The following ADCY10 variants were observed in gnomAD, a reference collection of about 807,000 sequenced individuals.
ADCY10 encodes adenylate cyclase 10.
ADCY10 carries 156 observed loss-of-function variants against 183.3 expected under a neutral mutation model. That is an observed-to-expected ratio of 0.85 (90% CI 0.75 to 0.97). The LOEUF is 0.97. Among genes scored for constraint, ADCY10 ranks in the 50% least tolerant of loss-of-function variants. ADCY10 has a pLI of 0.00. For missense variants in ADCY10, 1,745 were observed against 1,934.3 expected (o/e 0.90, Z 1.84); for synonymous variants, 645 against 670.0 (o/e 0.96, Z 0.58).
chr1:167,882,176 C>A (rs1667907853), intron 9 of ADCY10, among the ~76,000 whole-genome samples: 1 of 152,172 alleles, frequency 6.6e-6, no homozygotes, highest in African/African-American at 2.4e-5. Context: ...CATCACTTTT[C>A]TCTGAATTGA....
In ADCY10 at chr1:167,899,512, T is replaced by C; in HGVS notation, c.553A>G (p.Asn185Asp). 1.2e-6 allele frequency: 2 copies of C among 1,614,144 alleles called. No individual in the cohort carries two copies. Among genetic ancestry groups the C allele is most frequent in the Admixed American group, 1.7e-5 (1 of 60,008 alleles). ...CAGTTTGGTGACAGAATAACATCAT[T>C]CATCTGAGCCATGTTCTGGGCAAGG... ...VRLAQNMAQM[N>D]DVILSPNCWQ... Residue 185 changes from asparagine to aspartate, a missense_variant, in exon 6 of 33, where the codon AAT (asparagine) becomes GAT (aspartate). Asn to Asp is a conservative substitution (Grantham distance 23). Coordinates refer to ENST00000367851, the MANE Select transcript of ADCY10 (RefSeq NM_018417.6).
chr1:167,890,079 G>A (rs1220579837), intron 8 of ADCY10, among the ~76,000 whole-genome samples: 2 of 152,144 alleles, frequency 1.3e-5, no homozygotes, highest in Non-Finnish European at 1.5e-5. Flanking sequence ...AGTTCCTTTG[G>A]TGAGGTCATG....
At chr1:167,858,457 C>T (rs1267328822) in intron 16 of ADCY10, among the ~76,000 whole-genome samples, 1 of 138,138 alleles carries the variant, frequency 7.2e-6, no homozygotes, top group Non-Finnish European at 1.5e-5. Flanking sequence ...GAGACCGCAC[C>T]ATTGCACTCC....
chr1:167,810,424 C>G (rs1326082358), intron 32 of ADCY10, among the ~76,000 whole-genome samples: 1 of 152,192 alleles, frequency 6.6e-6, no homozygotes, highest in African/African-American at 2.4e-5. Flanking sequence ...CATGAGGGCT[C>G]TGCCCTCATA....
chr1:167,822,858 C>T, intron 29 of ADCY10, 150 bp downstream of exon 29: 2 of 732,256 alleles, frequency 2.7e-6, no homozygotes, highest in Non-Finnish European at 2.5e-6. Context: ...AGTGCTTCAG[C>T]TCACACAACC....
rs1670159879 is a variant in ADCY10, at chr1:167,911,668, C to CA, written c.-59+2307dup. Among the ~76,000 whole-genome samples, 6 of 152,264 alleles carry CA rather than the reference C, an allele frequency of 3.9e-5. No individual in the cohort carries two copies. In the South Asian group the frequency reaches 1.2e-3, roughly 32 times the overall value. ...TCCTTTGTTCAGTGTACTCTCGTGGCAAAACTGCTGGCGAGTATACCCTCT... is the reference window on the plus strand; with the variant it reads ...TCCTTTGTTCAGTGTACTCTCGTGGCAAAAACTGCTGGCGAGTATACCCTCT... On this transcript the variant is annotated intron_variant, in intron 1 of 32. Transcript: ENST00000367851.
At chr1:167,814,861 C>T (rs530234986) in intron 31 of ADCY10, among the ~76,000 whole-genome samples, 51 of 152,188 alleles carry the variant, frequency 3.4e-4, no homozygotes, top group Non-Finnish European at 6.0e-4. Context: ...CACGTGGGCT[C>T]ATGCCTGTAA....
At chr1:167,858,240 C>T (rs1666038707) in intron 16 of ADCY10, among the ~76,000 whole-genome samples, 1 of 152,074 alleles carries the variant, frequency 6.6e-6, no homozygotes, top group African/African-American at 2.4e-5. Flanking sequence ...TGGCTCACAC[C>T]TGTAATCCCA....
intron 18 of ADCY10, among the ~76,000 whole-genome samples, chr1:167,849,120 A>G (rs1431417309): frequency 6.6e-5 from 10 of 152,158 alleles, no homozygotes. Context: ...TGTATTATAT[A>G]TGTATTATGT....
intron 2 of ADCY10, 93 bp from the exon 3 acceptor site, chr1:167,904,084 T>A (rs1267637664): frequency 2.5e-5 from 4 of 159,866 alleles, no homozygotes; most frequent in Non-Finnish European, 3.3e-5. Flanking sequence ...GGCCTCAGCT[T>A]TTTTTTTTTT....
intron 18 of ADCY10, among the ~76,000 whole-genome samples, chr1:167,850,083 C>T (rs1220432137): frequency 1.3e-5 from 2 of 151,940 alleles, no homozygotes; most frequent in Non-Finnish European, 2.9e-5. Context: ...TCCAACTAGT[C>T]GTATTTAGGA....
At chr1:167,881,340 G>C (rs2102252286) in intron 9 of ADCY10, among the ~76,000 whole-genome samples, 1 of 152,254 alleles carries the variant, frequency 6.6e-6, no homozygotes, top group East Asian at 1.9e-4. Flanking sequence ...AAGGGTGATG[G>C]GTTGAAATTT....
intron 28 of ADCY10, among the ~76,000 whole-genome samples, chr1:167,823,963 C>T (rs935095885): frequency 1.3e-5 from 2 of 152,130 alleles, no homozygotes; most frequent in Non-Finnish European, 2.9e-5. Context: ...GTCTGACTAC[C>T]CTCTGATCAC....
chr1:167,846,818 T>TA lies in ADCY10; in HGVS notation c.2438-556dup, dbSNP rs1325498161. Reference sequence around the variant, plus strand: ...CTTTTCATCTAAGCTTGAATATCGGTAGCTCATGTGACTTTCTGGACATTT... The same window carrying TA: ...CTTTTCATCTAAGCTTGAATATCGGTAAGCTCATGTGACTTTCTGGACATTT... On this transcript the variant is annotated intron_variant, in intron 19 of 32. Coordinates refer to ENST00000367851, the MANE Select transcript of ADCY10 (RefSeq NM_018417.6). 1.5e-3 allele frequency among the ~76,000 whole-genome samples: 149 copies of TA among 102,702 alleles called. 2 individuals carry two copies. In the South Asian group the frequency reaches 0.039, roughly 27 times the overall value. The allele number at this position is 102,702 out of a possible 152,430, so 67.4% of individuals were successfully genotyped here.
chr1:167,830,687 C>T lies in ADCY10; in HGVS notation c.3594-1264G>A, dbSNP rs151303383. ...GGGATTGCAAGCGTGAGCCACTGCGCCTGGCCAAAAAATGAGCATTTTTAA... is the reference window on the plus strand; with the variant it reads ...GGGATTGCAAGCGTGAGCCACTGCGTCTGGCCAAAAAATGAGCATTTTTAA... On this transcript the variant is annotated intron_variant, in intron 25 of 32. Coordinates refer to ENST00000367851, the MANE Select transcript of ADCY10 (RefSeq NM_018417.6). Among the ~76,000 whole-genome samples the T allele has an allele frequency of 5.4e-3, 820 of 152,202 alleles. 4 individuals carry two copies. Among genetic ancestry groups the T allele is most frequent in the Middle Eastern group, 0.017 (5 of 294 alleles).
Position 167,846,037 on chromosome 1 carries a change from G to A in ADCY10, c.2664C>T (p.Pro888=). The A allele has an allele frequency of 1.2e-6, 2 of 1,614,190 alleles. No individual in the cohort carries two copies. The highest frequency in any genetic ancestry group is 1.7e-6 in the Non-Finnish European group (2 of 1,180,032). Residue 888 remains proline (P), a synonymous_variant, in exon 20 of 33, where the codon CCC becomes CCT. Transcript: ENST00000367851. The stretch of plus-strand genomic sequence containing the variant: ...AGGAACGATAGTGCACCTCAAATGA[G>A]GGATCATTCTGTTTCAGGGCCTTTT... ...ELQKALKQND[P]SFEVHYRSLS...
rs911507329 is a variant in ADCY10, at chr1:167,870,172, A to G, written c.1616+85T>C. 5.4e-6 allele frequency: 8 copies of G among 1,469,994 alleles called. No homozygotes were observed. In the Admixed American group the frequency reaches 1.3e-4, roughly 25 times the overall value. 91.1% of individuals were successfully genotyped at this position (1,469,994 alleles called of 1,614,324 possible). On this transcript the variant is annotated intron_variant, in intron 14 of 32. Coordinates refer to ENST00000367851, the MANE Select transcript of ADCY10 (RefSeq NM_018417.6). ...ATTGTAGGTTATAGATAATTTACAT[A>G]AGGCAAGTTATAGGAAGGAGAGGAG...
Position 167,833,017 on chromosome 1 carries a change from T to C in ADCY10, c.3563A>G (p.Asn1188Ser), listed in dbSNP as rs1361054504. The change falls in exon 25 of 33, where the codon AAT becomes AGT. Residue 1188 changes from asparagine (N) to serine (S), a missense_variant. Transcript: ENST00000367851. Reference sequence around the variant, plus strand: ...AGGTGGGCTCTCTTGGGCCTGCCGATTCACATAATGAAAGTGTCTGTTTTT... The same window carrying C: ...AGGTGGGCTCTCTTGGGCCTGCCGACTCACATAATGAAAGTGTCTGTTTTT... ...VEKNRHFHYV[N>S]RQAQESPPPG... 2.5e-6 allele frequency: 4 copies of C among 1,614,136 alleles called. No individual in the cohort carries two copies. The highest frequency in any genetic ancestry group is 1.7e-5 in the Admixed American group (1 of 60,018).
chr1:167,896,511 C>A, intron 7 of ADCY10, 84 bp downstream of exon 7: 1 of 1,098,430 alleles, frequency 9.1e-7, no homozygotes, highest in Non-Finnish European at 1.4e-6. Context: ...AGCCCACCCA[C>A]CAGTAATGAA....
Sources: gnomAD v4.1 joint callset for allele counts (sites outside exome capture counted in the v4.1 genomes callset) on GRCh38, gnomAD v4.1.1 for gene constraint, MANE v1.5 for transcripts, NCBI Gene and HGNC (gene_info 2026-07-23, HGNC 2026-07-21) for gene names.